Variants in AGBL1 observed in about 807,000 individuals in gnomAD.
AGBL1 encodes AGBL carboxypeptidase 1.
AGBL1 carries 130 observed loss-of-function variants against 118.9 expected under a neutral mutation model. The ratio of observed to expected loss-of-function variants is 1.09; its 90% CI spans 0.95 to 1.26. AGBL1 has a LOEUF of 1.26. Ranked by LOEUF, AGBL1 falls within the 50% of genes most tolerant of loss-of-function variation. The probability of loss-of-function intolerance (pLI) is 0.00; values close to 1 mark genes in which losing one functional copy is unlikely to be tolerated. For missense variants in AGBL1, 1,584 were observed against 1,298.1 expected (o/e 1.22, Z -3.38); for synonymous variants, 555 against 478.9 (o/e 1.16, Z -2.08).
chr15:86,835,048 C>T (rs1409357324), intron 22 of AGBL1, among the ~76,000 whole-genome samples: 1 of 152,116 alleles, frequency 6.6e-6, no homozygotes, highest in Non-Finnish European at 1.5e-5. Flanking sequence ...CATATGGACT[C>T]TCTTGTCTGA....
chr15:86,303,691 CAG>C (rs894576677), intron 17 of AGBL1, among the ~76,000 whole-genome samples: 9 of 152,124 alleles, frequency 5.9e-5, no homozygotes, highest in African/African-American at 2.2e-4. Flanking sequence ...GCAAGGATAT[CAG>C]AGTTAATTCT....
At chr15:86,898,927 T>C (rs2080171311) in intron 22 of AGBL1, among the ~76,000 whole-genome samples, 1 of 152,168 alleles carries the variant, frequency 6.6e-6, no homozygotes, top group African/African-American at 2.4e-5. Context: ...AGTGAACACA[T>C]ATACTGTTGG....
intron 18 of AGBL1, among the ~76,000 whole-genome samples, chr15:86,446,353 A>G (rs1034119897): frequency 1.3e-5 from 2 of 152,212 alleles, no homozygotes; most frequent in Non-Finnish European, 2.9e-5. Flanking sequence ...CTGGTGTTGC[A>G]TAGGATCTCT....
chr15:86,653,399 G>T (rs2085409772), intron 21 of AGBL1, among the ~76,000 whole-genome samples: 6 of 152,104 alleles, frequency 3.9e-5, no homozygotes. Context: ...CCTGCTCTTT[G>T]TATTATTCTC....
At chr15:86,516,619 G>A (rs1291288831) in intron 18 of AGBL1, among the ~76,000 whole-genome samples, 1 of 152,098 alleles carries the variant, frequency 6.6e-6, no homozygotes. Flanking sequence ...GGTCAACATG[G>A]CGAAACCCTG....
Position 86,266,360 on chromosome 15 carries a change from A to T in AGBL1, c.1668-14A>T. 6.4e-7 allele frequency: 1 copy of T among 1,558,692 alleles called. No individual in the cohort carries two copies. Among genetic ancestry groups the T allele is most frequent in the Non-Finnish European group, 8.7e-7 (1 of 1,148,620 alleles). ...AAGGCCGACCCTTAAAATGTTTTCA[A>T]TTTTCTTTTTCAGGATCAGGATATT... On this transcript the variant is annotated splice_polypyrimidine_tract_variant and intron_variant, in intron 11 of 22. Coordinates refer to ENST00000614907, the MANE Select transcript of AGBL1 (RefSeq NM_001386094.1).
intron 17 of AGBL1, among the ~76,000 whole-genome samples, chr15:86,356,541 G>C (rs2080724169): frequency 6.6e-6 from 1 of 152,096 alleles, no homozygotes; most frequent in East Asian, 1.9e-4. Flanking sequence ...CAAGCTTGCT[G>C]GTCTTAGGCT....
At chr15:87,009,791 T>G (rs1355813496) in intron 24 of AGBL1, among the ~76,000 whole-genome samples, 1 of 152,154 alleles carries the variant, frequency 6.6e-6, no homozygotes, top group Non-Finnish European at 1.5e-5. Flanking sequence ...AGCTTTAAGA[T>G]TTGACTGCCC....
chr15:86,334,166 G>A (rs2080320431), intron 17 of AGBL1, among the ~76,000 whole-genome samples: 1 of 152,060 alleles, frequency 6.6e-6, no homozygotes, highest in Admixed American at 6.6e-5. Flanking sequence ...CATACTACTG[G>A]AAGTCCCAGC....
At chr15:86,932,233 T>C (rs1285741560) in intron 23 of AGBL1, among the ~76,000 whole-genome samples, 2 of 152,196 alleles carry the variant, frequency 1.3e-5, no homozygotes, top group East Asian at 3.9e-4. Flanking sequence ...TAATGTATAA[T>C]GTAAAATTCC....
At chr15:86,860,029 T>C (rs1488697966) in intron 22 of AGBL1, among the ~76,000 whole-genome samples, 1 of 152,202 alleles carries the variant, frequency 6.6e-6, no homozygotes, top group East Asian at 1.9e-4. Context: ...TGCCTAGGTC[T>C]AGTCTGATTC....
In AGBL1 at chr15:86,815,088, A is replaced by C. The variant is rs145879906; in HGVS notation, c.3159-91999A>C. Among the ~76,000 whole-genome samples, 1,485 of 152,232 alleles carry C rather than the reference A, an allele frequency of 9.8e-3. 23 individuals are homozygous for C. Among genetic ancestry groups the C allele is most frequent in the Middle Eastern group, 0.061 (18 of 294 alleles). On this transcript the variant is annotated intron_variant, in intron 22 of 22. Coordinates refer to ENST00000614907, the MANE Select transcript of AGBL1 (RefSeq NM_001386094.1). Reference sequence around the variant, plus strand: ...TGAGGAAAGAATTATGGGAAAGCATAATATAATATTTTGTGTACCTGTAAA... The same window carrying C: ...TGAGGAAAGAATTATGGGAAAGCATCATATAATATTTTGTGTACCTGTAAA...
chr15:86,990,056 T>C (rs963379742), intron 24 of AGBL1, among the ~76,000 whole-genome samples: 4 of 152,232 alleles, frequency 2.6e-5, no homozygotes, highest in African/African-American at 7.2e-5. Context: ...AGTTTTATTC[T>C]GAAGCAGATA....
chr15:86,178,406 T>G (rs1345210138), intron 5 of AGBL1, among the ~76,000 whole-genome samples: 1 of 152,164 alleles, frequency 6.6e-6, no homozygotes, highest in East Asian at 1.9e-4. Context: ...GAGGCGAAAT[T>G]CCTACAATTT....
chr15:86,502,308 CT>C (rs1596196152), intron 18 of AGBL1, among the ~76,000 whole-genome samples: 2 of 151,540 alleles, frequency 1.3e-5, no homozygotes, highest in East Asian at 3.9e-4. Flanking sequence ...ACTTGCTGAA[CT>C]AGTTTATTAC....
In AGBL1 at chr15:86,366,908, A is replaced by G. The variant is rs16976413; in HGVS notation, c.2375-30458A>G. Among the ~76,000 whole-genome samples, 1,489 of 152,184 alleles carry G rather than the reference A, an allele frequency of 9.8e-3. 34 individuals are homozygous for G. The highest frequency in any genetic ancestry group is 0.033 in the African/African-American group (1,353 of 41,514). ...TTCCAGCAATAAGGTGTTCGCCTTG[A>G]CCCCATACTCTGCGACACCCGGGCT... is the stretch of plus-strand genomic sequence containing the variant. On this transcript the variant is annotated intron_variant, in intron 17 of 22. Transcript: ENST00000614907.
At chr15:86,410,446 GCTT>G (rs1483619371) in intron 18 of AGBL1, among the ~76,000 whole-genome samples, 2 of 152,062 alleles carry the variant, frequency 1.3e-5, no homozygotes, top group African/African-American at 2.4e-5. Flanking sequence ...GTCAAAGTTA[GCTT>G]CTTTATAGCT....
intron 6 of AGBL1, among the ~76,000 whole-genome samples, chr15:86,231,343 C>G (rs1250398500): frequency 6.6e-6 from 1 of 152,150 alleles, no homozygotes; most frequent in African/African-American, 2.4e-5. Context: ...GGTGAAGAGT[C>G]CAGCCTAATT....
chr15:86,815,431 G>C (rs949273682), intron 22 of AGBL1, among the ~76,000 whole-genome samples: 1 of 152,162 alleles, frequency 6.6e-6, no homozygotes, highest in Admixed American at 6.6e-5. Context: ...ACTGCAAGGA[G>C]TGGGGGTAAA....
Sources: gnomAD v4.1 joint callset for allele counts (sites outside exome capture counted in the v4.1 genomes callset) on GRCh38, gnomAD v4.1.1 for gene constraint, MANE v1.5 for transcripts, NCBI Gene and HGNC (gene_info 2026-07-23, HGNC 2026-07-21) for gene names.